Variants in CYB561 observed in about 807,000 individuals in gnomAD.
The protein encoded by CYB561 is transmembrane ascorbate-dependent reductase CYB561.
Under a neutral mutation model 25.3 loss-of-function variants are expected in CYB561, and 11 were observed. The observed-to-expected ratio is 0.44, with a 90% CI of 0.27 to 0.72. The LOEUF (loss-of-function observed/expected upper bound fraction) is 0.72. Among genes scored for constraint, CYB561 ranks in the 30% least tolerant of loss-of-function variants. The pLI is 0.18. For missense variants in CYB561, 295 were observed against 334.9 expected, an observed-to-expected ratio of 0.88 and a Z score of 0.93; for synonymous variants, 165 against 158.8, an observed-to-expected ratio of 1.04 and a Z score of -0.29.
rs748763679 is a variant in CYB561 at position 63,435,668 on chromosome 17, G to A, written c.405+20C>T. The A allele has an allele frequency of 3.4e-5, 55 of 1,603,928 alleles. 1 individual carries two copies. Among genetic ancestry groups the A allele is most frequent in the South Asian group, 2.3e-4 (21 of 90,892 alleles). On this transcript the variant is annotated intron_variant, in intron 4 of 5. Transcript: ENST00000360793. ...CTCCCTGGTAGGTGGCCCCAGGCCC[G>A]GGGTGTTGGAAGGACTCACCTGCAC...
At chr17:63,440,801 AC>A (rs1347620406) in intron 1 of CYB561, 1 of 151,832 alleles carries the variant, frequency 6.6e-6, no homozygotes, top group Non-Finnish European at 1.5e-5. Context: ...GGTCTCTAAT[AC>A]CCCGAGTCTA....
intron 3 of CYB561, 65 bp from the exon 4 acceptor site, chr17:63,435,856 C>T (rs2049292705): frequency 1.9e-6 from 3 of 1,588,006 alleles, no homozygotes; most frequent in Middle Eastern, 1.7e-4. Flanking sequence ...TAAGATGACC[C>T]AGGGGAACCA....
At chr17:63,437,970 G>GGCCCC in intron 1 of CYB561, 2 of 643,050 alleles carry the variant, frequency 3.1e-6, no homozygotes, top group Non-Finnish European at 5.0e-6. Context: ...TCCCACGGCG[G>GGCCCC]CCCCGCCACC....
rs1034482784 is a variant in CYB561, at chr17:63,437,986, C to T, written c.-13-426G>A. The stretch of plus-strand genomic sequence containing the variant: ...CCCACGGCGGCCCCGCCACCCTCCC[C>T]CGAGGCTCCCGCTGGAAGCAGCGCT... On this transcript the variant is annotated intron_variant, in intron 1 of 5. Transcript: ENST00000360793. The T allele has an allele frequency of 1.5e-4, 140 of 945,142 alleles. 5 individuals carry two copies. Among genetic ancestry groups the T allele is most frequent in the Non-Finnish European group, 1.8e-4 (121 of 664,864 alleles). 58.5% of individuals were successfully genotyped at this position (945,142 alleles called of 1,614,324 possible).
chr17:63,432,473 C>CTT lies in CYB561; in HGVS notation c.*1927_*1928dup, dbSNP rs1479721217. Reference sequence around the variant, plus strand: ...TTTGGCAAACAGACCAGTTTACAGACTTTTGTTGCAAATCTAAGGTTCCAT... The same window carrying CTT: ...TTTGGCAAACAGACCAGTTTACAGACTTTTTTGTTGCAAATCTAAGGTTCCAT... On this transcript the variant is annotated 3_prime_UTR_variant, in exon 6 of 6. Transcript: ENST00000360793. 2 of 152,230 alleles carry CTT rather than the reference C, an allele frequency of 1.3e-5. No homozygotes were observed. The highest frequency in any genetic ancestry group is 2.9e-5 in the Non-Finnish European group (2 of 68,036). 9.4% of individuals were successfully genotyped at this position (152,230 alleles called of 1,614,324 possible).
intron 1 of CYB561, among the ~76,000 whole-genome samples, chr17:63,439,775 A>G (rs1418482560): frequency 1.3e-5 from 2 of 152,168 alleles, no homozygotes; most frequent in African/African-American, 4.8e-5. Flanking sequence ...GTTTGTGTCA[A>G]TGGATACGCG....
chr17:63,437,216 T>C (rs1168469340), intron 2 of CYB561, 130 bp downstream of exon 2: 2 of 749,858 alleles, frequency 2.7e-6, no homozygotes, highest in African/African-American at 3.5e-5. Flanking sequence ...AACCAGCTTC[T>C]GTCTCTGTCT....
At chr17:63,439,165 G>C (rs754703687) in intron 1 of CYB561, 10 of 152,444 alleles carry the variant, frequency 6.6e-5, no homozygotes. Flanking sequence ...GTCCCTCCCA[G>C]TGATGGGCTC....
chr17:63,435,248 G>T lies in CYB561; in HGVS notation c.406-5C>A, dbSNP rs1445325248. 8 of 1,613,184 alleles carry T rather than the reference G, an allele frequency of 5.0e-6. No individual in the cohort carries two copies. Among genetic ancestry groups the T allele is most frequent in the South Asian group, 1.1e-5 (1 of 91,002 alleles). On this transcript the variant is annotated splice_polypyrimidine_tract_variant and splice_region_variant and intron_variant, in intron 4 of 5. Transcript: ENST00000360793. Reference sequence around the variant, plus strand: ...GAAGCTGAAGCCCACCAGCCACTAGGATTTGAAAGGAGACGGTTCCGGGAC... The same window carrying T: ...GAAGCTGAAGCCCACCAGCCACTAGTATTTGAAAGGAGACGGTTCCGGGAC...
chr17:63,443,099 A>T (rs1199271112), intron 1 of CYB561, among the ~76,000 whole-genome samples: 1 of 152,190 alleles, frequency 6.6e-6, no homozygotes, highest in Non-Finnish European at 1.5e-5. Context: ...AAAACAGCTC[A>T]ATTGCCCTAG....
chr17:63,434,709 C>T, intron 5 of CYB561, 115 bp from the exon 6 acceptor site: 1 of 883,930 alleles, frequency 1.1e-6, no homozygotes, highest in Admixed American at 2.7e-5. Flanking sequence ...CCCCTGCCTC[C>T]CTGCCCTGCC....
intron 1 of CYB561, among the ~76,000 whole-genome samples, chr17:63,442,398 CATTGGGTGAG>C (rs2049383490): frequency 6.6e-6 from 1 of 152,194 alleles, no homozygotes; most frequent in Admixed American, 6.5e-5. Context: ...CAAACCTGGA[CATTGGGTGAG>C]ATTTCTCCCT....
At position 63,434,544 on chromosome 17, in the gene CYB561, C is replaced by T; in HGVS notation, c.614G>A (p.Gly205Asp). The stretch of plus-strand genomic sequence containing the variant: ...CCCACCGAAGCAGGCCAGCAGCAGG[C>T]CCAGCACGTTGGCCAGGACACCCTC... Reference protein sequence around the residue: ...EPEGVLANVLGLLLACFGGAV... With the variant: ...EPEGVLANVLDLLLACFGGAV... The change falls in exon 6 of 6, where the codon GGC becomes GAC. Residue 205 changes from glycine (G) to aspartate (D), a missense_variant. Physicochemically the swap from Gly to Asp is moderately conservative, Grantham distance 94. Transcript: ENST00000360793. The T allele has an allele frequency of 6.2e-7, 1 of 1,613,220 alleles. No individual in the cohort carries two copies. Among genetic ancestry groups the T allele is most frequent in the East Asian group, 2.2e-5 (1 of 44,882 alleles).
chr17:63,443,383 G>A (rs1462895051), intron 1 of CYB561, among the ~76,000 whole-genome samples: 1 of 152,182 alleles, frequency 6.6e-6, no homozygotes, highest in Non-Finnish European at 1.5e-5. Flanking sequence ...TCCTAGGGCG[G>A]CTGTCCTGGC....
chr17:63,434,951 G>A (rs2147488731), intron 5 of CYB561, 135 bp downstream of exon 5: 1 of 969,734 alleles, frequency 1.0e-6, no homozygotes, highest in South Asian at 1.8e-5. Context: ...CCAAATCTTA[G>A]CAAGCATAAC....
chr17:63,438,326 G>T (rs1367186805), intron 1 of CYB561: 2 of 882,066 alleles, frequency 2.3e-6, no homozygotes, highest in Non-Finnish European at 3.5e-6. Context: ...CTTTTCTCCA[G>T]ACGCGTCATG....
At position 63,437,582 on chromosome 17, in the gene CYB561, A is replaced by T. The variant is rs199717209; in HGVS notation, c.-13-22T>A. 451 of 1,588,866 alleles carry T rather than the reference A, an allele frequency of 2.8e-4. 1 individual carries two copies. The highest frequency in any genetic ancestry group is 2.4e-4 in the Non-Finnish European group (281 of 1,173,528). On this transcript the variant is annotated intron_variant, in intron 1 of 5. Transcript: ENST00000360793. ...AACGCTGCAAGAAAGAGCAGAGCTCAGAGGAGCAGCGCACAGCACCCCGAG... is the reference window on the plus strand; with the variant it reads ...AACGCTGCAAGAAAGAGCAGAGCTCTGAGGAGCAGCGCACAGCACCCCGAG...
At position 63,433,326 on chromosome 17, in the gene CYB561, C is replaced by T; in HGVS notation, c.*1076G>A. The stretch of plus-strand genomic sequence containing the variant: ...TTTCCAGGCCGAAGCCAAATGGTGA[C>T]TCAGCTAACATGACACTCTTTATGG... On this transcript the variant is annotated 3_prime_UTR_variant, in exon 6 of 6. Transcript: ENST00000360793. 1 of 398,632 alleles carries T rather than the reference C, an allele frequency of 2.5e-6. No individual in the cohort carries two copies. Among genetic ancestry groups the T allele is most frequent in the Non-Finnish European group, 4.4e-6 (1 of 226,136 alleles). 24.7% of individuals were successfully genotyped at this position (398,632 alleles called of 1,614,324 possible).
Position 63,433,484 on chromosome 17 carries a change from C to T in CYB561, c.*918G>A. 2.5e-6 allele frequency: 1 copy of T among 398,838 alleles called. No homozygotes were observed. The highest frequency in any genetic ancestry group is 4.4e-6 in the Non-Finnish European group (1 of 226,370). The allele number at this position is 398,838 out of a possible 1,614,324, so 24.7% of individuals were successfully genotyped here. On this transcript the variant is annotated 3_prime_UTR_variant, in exon 6 of 6. Transcript: ENST00000360793. ...AACAGAGGCAGCAGCTCCAGCAGCC[C>T]CAGGGGGCTCTAGCCACAGCCAGCA...
Sources: allele counts gnomAD v4.1 joint callset (sites outside exome capture counted in the v4.1 genomes callset), GRCh38; gene constraint gnomAD v4.1.1; transcripts MANE v1.5; gene names NCBI Gene and HGNC (gene_info 2026-07-23, HGNC 2026-07-21).